Variants in PEX7 observed in about 807,000 individuals in gnomAD.
The protein encoded by PEX7 is peroxisomal biogenesis factor 7, also known as PTS2 receptor.
PEX7 carries 34 observed loss-of-function variants against 47.5 expected under a neutral mutation model. That is an observed-to-expected ratio of 0.72 (90% CI 0.54 to 0.95). The LOEUF (loss-of-function observed/expected upper bound fraction) is 0.95. PEX7 is among the 40% of genes least tolerant of loss of function. The pLI, the probability that PEX7 is intolerant of heterozygous loss-of-function variation, is 0.00. For synonymous variants in PEX7, 141 were observed against 148.8 expected (o/e 0.95, Z 0.38); for missense variants, 394 against 400.3 (o/e 0.98, Z 0.13).
At chr6:136,902,580 A>T (rs182435679) in intron 9 of PEX7, among the ~76,000 whole-genome samples, 8 of 150,282 alleles carry the variant, frequency 5.3e-5, no homozygotes, top group Admixed American at 1.3e-4. Context: ...TTCTTTGAAA[A>T]TTTTTTTTTT....
intron 1 of PEX7, 64 bp downstream of exon 1, chr6:136,822,859 C>T: frequency 1.7e-6 from 2 of 1,170,478 alleles, no homozygotes; most frequent in Non-Finnish European, 1.1e-6. Context: ...AGCCGGGCTC[C>T]AGTTCCTCGC....
intron 8 of PEX7, among the ~76,000 whole-genome samples, chr6:136,883,379 G>A (rs1330829261): frequency 1.3e-5 from 2 of 152,154 alleles, no homozygotes; most frequent in Non-Finnish European, 2.9e-5. Context: ...AAAGCCACTA[G>A]CGACCTCTGT....
At chr6:136,876,332 C>T (rs145610796) in intron 8 of PEX7, among the ~76,000 whole-genome samples, 6 of 152,180 alleles carry the variant, frequency 3.9e-5, no homozygotes, top group African/African-American at 7.2e-5. Flanking sequence ...CCACTGCGCC[C>T]GGCCGATTAA....
At chr6:136,862,880 G>A (rs913596491) in intron 5 of PEX7, among the ~76,000 whole-genome samples, 4 of 152,180 alleles carry the variant, frequency 2.6e-5, no homozygotes, top group African/African-American at 4.8e-5. Flanking sequence ...ATCACTTGGT[G>A]AGAAAAGGAC....
chr6:136,881,713 A>G (rs927351611), intron 8 of PEX7, among the ~76,000 whole-genome samples: 1 of 152,192 alleles, frequency 6.6e-6, no homozygotes, highest in African/African-American at 2.4e-5. Context: ...CTGGATGTCA[A>G]CTACATTTCT....
At chr6:136,885,448 T>A (rs941699538) in intron 8 of PEX7, among the ~76,000 whole-genome samples, 5 of 152,236 alleles carry the variant, frequency 3.3e-5, no homozygotes, top group Non-Finnish European at 5.9e-5. Flanking sequence ...GTTGTCAAAC[T>A]GTATTCAGCC....
At chr6:136,837,963 A>T (rs1774425634) in intron 3 of PEX7, among the ~76,000 whole-genome samples, 1 of 152,206 alleles carries the variant, frequency 6.6e-6, no homozygotes, top group Non-Finnish European at 1.5e-5. Context: ...AACAAAAGTA[A>T]AGAATCAGTG....
intron 5 of PEX7, among the ~76,000 whole-genome samples, 156 bp downstream of exon 5, chr6:136,846,337 TA>T (rs1374484842): frequency 6.6e-6 from 1 of 152,188 alleles, no homozygotes. Flanking sequence ...TTTTTATTTT[TA>T]TTTTTTTATT....
chr6:136,844,469 A>G (rs1774559497), intron 3 of PEX7, among the ~76,000 whole-genome samples: 1 of 152,150 alleles, frequency 6.6e-6, no homozygotes, highest in Non-Finnish European at 1.5e-5. Context: ...TAACATATCC[A>G]TCACTTGAAT....
intron 1 of PEX7, 43 bp downstream of exon 1, chr6:136,822,838 A>AGTCGGG (rs1263788286): frequency 9.9e-6 from 6 of 605,512 alleles, no homozygotes; most frequent in African/African-American, 6.7e-5. Context: ...GCGGAGGCGG[A>AGTCGGG]GGCGGGGGCC....
At chr6:136,878,232 C>A (rs569977157) in intron 8 of PEX7, among the ~76,000 whole-genome samples, 1 of 152,308 alleles carries the variant, frequency 6.6e-6, no homozygotes, top group Non-Finnish European at 1.5e-5. Flanking sequence ...TCTAAGTATA[C>A]AATCATGTCA....
intron 9 of PEX7, among the ~76,000 whole-genome samples, chr6:136,906,753 A>G (rs1334731963): frequency 1.3e-5 from 2 of 152,178 alleles, no homozygotes; most frequent in Non-Finnish European, 2.9e-5. Flanking sequence ...AAATTCCTGG[A>G]CAATCACTCC....
intron 8 of PEX7, among the ~76,000 whole-genome samples, chr6:136,873,947 C>G (rs904079492): frequency 2.0e-5 from 3 of 152,056 alleles, no homozygotes; most frequent in African/African-American, 7.2e-5. Flanking sequence ...TTGAACCAAC[C>G]TTGCATTCCT....
At chr6:136,841,056 G>C (rs1198570078) in intron 3 of PEX7, among the ~76,000 whole-genome samples, 1 of 152,078 alleles carries the variant, frequency 6.6e-6, no homozygotes, top group African/African-American at 2.4e-5. Context: ...GATCCATGGG[G>C]GCTGGTCTTA....
At position 136,846,210 on chromosome 6, in the gene PEX7, T is replaced by C. The variant is rs1774597105; in HGVS notation, c.526+29T>C. On this transcript the variant is annotated intron_variant, in intron 5 of 9. Transcript: ENST00000318471. ...AATTATTCTGTATTTACCAAAAGCC[T>C]TACTTGTAGTGAATGGTGGCCTTGT... The C allele has an allele frequency of 2.1e-6, 3 of 1,397,640 alleles. No homozygotes were observed. The African/African-American group carries it at 4.2e-5, about 20-fold the overall frequency. The allele number at this position is 1,397,640 out of a possible 1,614,324, so 86.6% of individuals were successfully genotyped here.
intron 9 of PEX7, among the ~76,000 whole-genome samples, chr6:136,909,715 A>G (rs1214876846): frequency 6.6e-6 from 1 of 152,256 alleles, no homozygotes; most frequent in Non-Finnish European, 1.5e-5. Context: ...TCATAATTCT[A>G]TATCATTGCA....
At chr6:136,836,297 A>G (rs1468456624) in intron 3 of PEX7, among the ~76,000 whole-genome samples, 1 of 151,914 alleles carries the variant, frequency 6.6e-6, no homozygotes, top group African/African-American at 2.4e-5. Context: ...TATATAGTGT[A>G]TATACATTTC....
intron 1 of PEX7, 143 bp from the exon 2 acceptor site, chr6:136,825,071 G>A (rs1252189337): frequency 5.6e-6 from 4 of 709,600 alleles, no homozygotes; most frequent in African/African-American, 3.5e-5. Context: ...TTGATCACCT[G>A]ACCATTTGGT....
At chr6:136,892,065 G>A (rs1775565096) in intron 8 of PEX7, among the ~76,000 whole-genome samples, 2 of 152,166 alleles carry the variant, frequency 1.3e-5, no homozygotes, top group South Asian at 2.1e-4. Context: ...TGATACATAA[G>A]TTAGAAAGAG....
Sources: allele counts gnomAD v4.1 joint callset (sites outside exome capture counted in the v4.1 genomes callset), GRCh38; gene constraint gnomAD v4.1.1; transcripts MANE v1.5; gene names NCBI Gene and HGNC (gene_info 2026-07-23, HGNC 2026-07-21).